CAPZB: variants seen among roughly 807,000 people sequenced by gnomAD.
The protein encoded by CAPZB is capping actin protein of muscle Z-line subunit beta.
A neutral mutation model predicts 38.1 loss-of-function variants in CAPZB; 2 were observed. That is an observed-to-expected ratio of 0.05 (90% CI 0.02 to 0.17). The LOEUF (loss-of-function observed/expected upper bound fraction) is 0.17. Ranked by LOEUF, CAPZB falls within the 10% of genes least tolerant of loss-of-function variation. The pLI, the probability that CAPZB is intolerant of heterozygous loss-of-function variation, is 1.00. For synonymous variants in CAPZB, 107 were observed against 127.4 expected (o/e 0.84, Z 1.08); for missense variants, 161 against 334.2 (o/e 0.48, Z 4.04).
chr1:19,396,618 C>T (rs548957215), intron 2 of CAPZB, among the ~76,000 whole-genome samples: 10 of 152,222 alleles, frequency 6.6e-5, no homozygotes, highest in East Asian at 1.9e-4. Flanking sequence ...CCTCAGTCCT[C>T]GGTCCAGCTT....
intron 4 of CAPZB, among the ~76,000 whole-genome samples, chr1:19,375,623 G>A (rs564644039): frequency 1.7e-4 from 26 of 152,292 alleles, no homozygotes; most frequent in South Asian, 4.1e-4. Context: ...CAACTCCCCC[G>A]AGTCAGTTTA....
rs933423475 is a variant in CAPZB, at chr1:19,431,435, C to T, written c.4-11685G>A. On this transcript the variant is annotated intron_variant, in intron 1 of 8. Coordinates refer to ENST00000264202, the MANE Select transcript of CAPZB (RefSeq NM_004930.5). ...TGATTTTGGGCCGGGCACGGTGGCT[C>T]ATGCCTGTAATCCCAGCACTTTGGG... 3.9e-5 allele frequency among the ~76,000 whole-genome samples: 6 copies of T among 152,294 alleles called. No individual in the cohort carries two copies. In the South Asian group the frequency reaches 1.2e-3, roughly 32 times the overall value.
intron 4 of CAPZB, among the ~76,000 whole-genome samples, chr1:19,376,986 C>A (rs1223892709): frequency 6.6e-6 from 1 of 152,190 alleles, no homozygotes; most frequent in Non-Finnish European, 1.5e-5. Flanking sequence ...CTTGTGAAGA[C>A]CGAATGAGAC....
intron 6 of CAPZB, among the ~76,000 whole-genome samples, chr1:19,348,288 A>G (rs2093973061): frequency 6.6e-6 from 1 of 151,880 alleles, no homozygotes. Context: ...TTCTTTTAAA[A>G]GACAAGGAGG....
At chr1:19,400,710 C>G (rs1398063485) in intron 2 of CAPZB, among the ~76,000 whole-genome samples, 3 of 152,146 alleles carry the variant, frequency 2.0e-5, no homozygotes, top group African/African-American at 7.2e-5. Flanking sequence ...CGGCTTCCAA[C>G]AACAACAGGA....
chr1:19,408,152 T>G (rs1180679952), intron 2 of CAPZB, among the ~76,000 whole-genome samples: 1 of 152,218 alleles, frequency 6.6e-6, no homozygotes, highest in Non-Finnish European at 1.5e-5. Context: ...GAGCCAAGGC[T>G]GGGACTTGGT....
chr1:19,400,778 A>G (rs923771705), intron 2 of CAPZB, among the ~76,000 whole-genome samples: 6 of 152,138 alleles, frequency 3.9e-5, no homozygotes, highest in Admixed American at 2.0e-4. Flanking sequence ...AAAAAATCCT[A>G]TGAGGACAAG....
At chr1:19,441,488 C>T (rs2094476280) in intron 1 of CAPZB, among the ~76,000 whole-genome samples, 1 of 152,124 alleles carries the variant, frequency 6.6e-6, no homozygotes. Flanking sequence ...AGGTATAGCA[C>T]ACTCATTCAG....
intron 1 of CAPZB, among the ~76,000 whole-genome samples, chr1:19,434,004 C>T (rs1357135815): frequency 6.6e-6 from 1 of 152,196 alleles, no homozygotes; most frequent in African/African-American, 2.4e-5. Context: ...ATTTTAGTGA[C>T]AGAAATGTAC....
intron 1 of CAPZB, among the ~76,000 whole-genome samples, chr1:19,433,634 C>T (rs118019413): frequency 6.6e-6 from 1 of 152,164 alleles, no homozygotes; most frequent in African/African-American, 2.4e-5. Context: ...CTGGAAAAAA[C>T]GAAGGCTCCA....
rs1037306590 is a variant in CAPZB at position 19,339,404 on chromosome 1, T to C, written c.*126A>G. The C allele has an allele frequency of 4.3e-5, 33 of 758,894 alleles. No homozygotes were observed. Among genetic ancestry groups the C allele is most frequent in the Non-Finnish European group, 6.6e-5 (28 of 421,204 alleles). 47.0% of individuals were successfully genotyped at this position (758,894 alleles called of 1,614,324 possible). ...CTCAGGGAGAGATGGCGCTGTGCGG[T>C]CAATGATGCAGCTGTTATGTGACCT... On this transcript the variant is annotated 3_prime_UTR_variant, in exon 9 of 9. Coordinates refer to ENST00000264202, the MANE Select transcript of CAPZB (RefSeq NM_004930.5).
chr1:19,349,266 G>A (rs1054222020), intron 6 of CAPZB, among the ~76,000 whole-genome samples: 4 of 152,288 alleles, frequency 2.6e-5, no homozygotes, highest in South Asian at 2.1e-4. Context: ...TCTCCCAGAC[G>A]TGAAGGTGGT....
chr1:19,339,305 A>G lies in CAPZB; in HGVS notation c.*225T>C. 3.4e-6 allele frequency: 2 copies of G among 582,222 alleles called. No individual in the cohort carries two copies. Among genetic ancestry groups the G allele is most frequent in the Admixed American group, 6.1e-5 (2 of 32,648 alleles). 36.1% of individuals were successfully genotyped at this position (582,222 alleles called of 1,614,324 possible). ...CAAAAACCACACGGTCTCTATGGAA[A>G]TGTGGAGAGAACTGAGAGCGAGGTG... On this transcript the variant is annotated 3_prime_UTR_variant, in exon 9 of 9. Coordinates refer to ENST00000264202, the MANE Select transcript of CAPZB (RefSeq NM_004930.5).
chr1:19,405,541 C>CAAAAAA (rs10577923), intron 2 of CAPZB, among the ~76,000 whole-genome samples: 3 of 96,514 alleles, frequency 3.1e-5, no homozygotes, highest in African/African-American at 4.5e-5. Context: ...TAGAAAGAGG[C>CAAAAAA]AAAAAAAAAA....
At chr1:19,387,001 G>T (rs2094207655) in intron 2 of CAPZB, among the ~76,000 whole-genome samples, 1 of 152,118 alleles carries the variant, frequency 6.6e-6, no homozygotes, top group Admixed American at 6.5e-5. Context: ...TAAAAATGGG[G>T]GCTACTTTCA....
intron 1 of CAPZB, among the ~76,000 whole-genome samples, chr1:19,452,916 G>T (rs547654074): frequency 6.7e-6 from 1 of 149,264 alleles, no homozygotes. Context: ...CGATTCACCT[G>T]CCTCAGTCTC....
At chr1:19,445,195 G>C (rs1191074313) in intron 1 of CAPZB, among the ~76,000 whole-genome samples, 1 of 152,134 alleles carries the variant, frequency 6.6e-6, no homozygotes, top group African/African-American at 2.4e-5. Context: ...TCACTAACAG[G>C]AAGTTTGCAA....
chr1:19,375,164 T>TA (rs2100406102), intron 4 of CAPZB, among the ~76,000 whole-genome samples: 1 of 152,362 alleles, frequency 6.6e-6, no homozygotes, highest in Admixed American at 6.5e-5. Flanking sequence ...TACCACAATG[T>TA]ACCAAGATGT....
At chr1:19,422,950 G>A (rs989910256) in intron 1 of CAPZB, among the ~76,000 whole-genome samples, 1 of 152,204 alleles carries the variant, frequency 6.6e-6, no homozygotes, top group African/African-American at 2.4e-5. Context: ...AAAGACCTAA[G>A]TTGACCAGAG....
Sources: allele counts gnomAD v4.1 joint callset (sites outside exome capture counted in the v4.1 genomes callset), GRCh38; gene constraint gnomAD v4.1.1; transcripts MANE v1.5; gene names NCBI Gene and HGNC (gene_info 2026-07-23, HGNC 2026-07-21).